The following HECW2 variants were observed in gnomAD, a reference collection of about 807,000 sequenced individuals.
The protein encoded by HECW2 is E3 ubiquitin-protein ligase HECW2.
HECW2 carries 61 observed loss-of-function variants against 175.2 expected under a neutral mutation model. The observed-to-expected ratio is 0.35, with a 90% CI of 0.28 to 0.43. The LOEUF is 0.43. Among genes scored for constraint, HECW2 ranks in the 20% least tolerant of loss-of-function variants. The probability of loss-of-function intolerance (pLI) is 1.00; values close to 1 mark genes in which losing one functional copy is unlikely to be tolerated. For synonymous variants in HECW2, 671 were observed against 731.0 expected, an observed-to-expected ratio of 0.92 and a Z score of 1.32; for missense variants, 1,524 against 2,000.5, an observed-to-expected ratio of 0.76 and a Z score of 4.54.
intron 21 of HECW2, 50 bp downstream of exon 21, chr2:196,240,399 C>A: frequency 1.5e-6 from 2 of 1,326,076 alleles, no homozygotes; most frequent in Non-Finnish European, 2.1e-6. Context: ...GAAACATCCG[C>A]CTTGTGGCCA....
intron 14 of HECW2, among the ~76,000 whole-genome samples, chr2:196,287,464 C>G (rs1389104389): frequency 6.6e-6 from 1 of 151,998 alleles, no homozygotes; most frequent in Non-Finnish European, 1.5e-5. Context: ...GGAAAAAACC[C>G]TGGGTTAATA....
chr2:196,562,036 A>C (rs1690019229), intron 1 of HECW2, among the ~76,000 whole-genome samples: 1 of 152,246 alleles, frequency 6.6e-6, no homozygotes, highest in Non-Finnish European at 1.5e-5. Flanking sequence ...AACGCTTTAG[A>C]CAGCATATTT....
rs376874831 is a variant in HECW2 at position 196,434,277 on chromosome 2, T to A, written c.-35-819A>T. On this transcript the variant is annotated intron_variant, in intron 1 of 28. Coordinates refer to ENST00000644978, the MANE Select transcript of HECW2 (RefSeq NM_001348768.2). The stretch of plus-strand genomic sequence containing the variant: ...GAAGAGTAAGCATCTTTCTCCTAGA[T>A]ACTTCTTGAAATAACTTTTATCTCC... 9.5e-4 allele frequency among the ~76,000 whole-genome samples: 145 copies of A among 152,320 alleles called. 2 individuals are homozygous for A. The Middle Eastern group carries it at 0.024, about 25-fold the overall frequency.
chr2:196,456,528 T>C (rs1353391603), intron 1 of HECW2, among the ~76,000 whole-genome samples: 2 of 152,124 alleles, frequency 1.3e-5, no homozygotes, highest in Admixed American at 6.5e-5. Flanking sequence ...TGGAGAAAGG[T>C]TGGGGAAGCT....
At chr2:196,535,145 C>T (rs983693495) in intron 1 of HECW2, among the ~76,000 whole-genome samples, 47 of 151,962 alleles carry the variant, frequency 3.1e-4, no homozygotes, top group African/African-American at 1.1e-3. Flanking sequence ...TCATTTCTCA[C>T]AACACTCCCA....
At chr2:196,566,859 G>C (rs1027900931) in intron 1 of HECW2, among the ~76,000 whole-genome samples, 1 of 151,910 alleles carries the variant, frequency 6.6e-6, no homozygotes, top group Non-Finnish European at 1.5e-5. Context: ...ACAACTCTCT[G>C]AGGTAGATAA....
intron 19 of HECW2, among the ~76,000 whole-genome samples, chr2:196,244,123 T>A (rs1688562552): frequency 6.6e-6 from 1 of 152,222 alleles, no homozygotes; most frequent in African/African-American, 2.4e-5. Flanking sequence ...GTGAACTAAA[T>A]AGTTGTTATT....
intron 26 of HECW2, chr2:196,217,730 T>C (rs1687528256): frequency 6.6e-6 from 1 of 152,218 alleles, no homozygotes; most frequent in African/African-American, 2.4e-5. Flanking sequence ...TTCCATACTT[T>C]AGTAGAATTT....
chr2:196,483,140 C>A (rs925678276), intron 1 of HECW2, among the ~76,000 whole-genome samples: 34 of 148,540 alleles, frequency 2.3e-4, no homozygotes, highest in African/African-American at 8.4e-4. Flanking sequence ...GTGTTTCCAA[C>A]CCTGGTGGTA....
chr2:196,410,484 T>C (rs1304994462), intron 2 of HECW2, among the ~76,000 whole-genome samples: 1 of 152,264 alleles, frequency 6.6e-6, no homozygotes, highest in African/African-American at 2.4e-5. Context: ...AATAAATCTT[T>C]AGAGACTAAA....
At chr2:196,499,905 C>G (rs1032421502) in intron 1 of HECW2, among the ~76,000 whole-genome samples, 1 of 152,070 alleles carries the variant, frequency 6.6e-6, no homozygotes, top group Admixed American at 6.5e-5. Flanking sequence ...AATGATTATG[C>G]TGTATGACCT....
chr2:196,468,053 G>C (rs899423444), intron 1 of HECW2, among the ~76,000 whole-genome samples: 1 of 151,944 alleles, frequency 6.6e-6, no homozygotes, highest in African/African-American at 2.4e-5. Flanking sequence ...TCACTCCGTT[G>C]CCCAGGCTAG....
intron 18 of HECW2, among the ~76,000 whole-genome samples, chr2:196,255,978 C>A (rs13414370): frequency 0.023 from 3,499 of 152,120 alleles, 103 homozygotes; most frequent in African/African-American, 0.078. Context: ...GAGGCTGAGG[C>A]AGGAGAATTA....
intron 5 of HECW2, among the ~76,000 whole-genome samples, chr2:196,328,638 A>G (rs1692244091): frequency 6.6e-6 from 1 of 152,226 alleles, no homozygotes; most frequent in Non-Finnish European, 1.5e-5. Flanking sequence ...TGCAATCAAG[A>G]AAAGTGGATC....
At chr2:196,545,145 G>A (rs1689368901) in intron 1 of HECW2, among the ~76,000 whole-genome samples, 1 of 152,164 alleles carries the variant, frequency 6.6e-6, no homozygotes, top group Non-Finnish European at 1.5e-5. Context: ...GAGTGACAGA[G>A]GAAACCTGCA....
chr2:196,282,209 C>T (rs188293280), intron 14 of HECW2, among the ~76,000 whole-genome samples: 1 of 152,316 alleles, frequency 6.6e-6, no homozygotes, highest in Non-Finnish European at 1.5e-5. Flanking sequence ...AGATGTAAAA[C>T]ATAGTACTTC....
intron 9 of HECW2, among the ~76,000 whole-genome samples, chr2:196,317,621 C>G (rs563445171): frequency 6.6e-6 from 1 of 151,822 alleles, no homozygotes; most frequent in African/African-American, 2.4e-5. Context: ...TCACCCATAA[C>G]GGCCTCTGTC....
chr2:196,392,255 C>T (rs954432641), intron 2 of HECW2, among the ~76,000 whole-genome samples: 14 of 152,234 alleles, frequency 9.2e-5, no homozygotes, highest in African/African-American at 2.9e-4. Flanking sequence ...TGCCCAACAT[C>T]GCTAATTGAT....
intron 18 of HECW2, among the ~76,000 whole-genome samples, chr2:196,256,466 C>A (rs1418134897): frequency 6.6e-6 from 1 of 152,010 alleles, no homozygotes; most frequent in Non-Finnish European, 1.5e-5. Flanking sequence ...TATCAAAGTA[C>A]AAATATTATA....
Sources: gnomAD v4.1 joint callset for allele counts (sites outside exome capture counted in the v4.1 genomes callset) on GRCh38, gnomAD v4.1.1 for gene constraint, MANE v1.5 for transcripts, NCBI Gene and HGNC (gene_info 2026-07-23, HGNC 2026-07-21) for gene names.